NBEA: variants seen among roughly 807,000 people sequenced by gnomAD.
The protein encoded by NBEA is neurobeachin.
NBEA carries 44 observed loss-of-function variants against 343.4 expected under a neutral mutation model. The observed-to-expected ratio is 0.13, with a 90% CI of 0.10 to 0.16. The LOEUF (loss-of-function observed/expected upper bound fraction) is 0.16, where lower values mean the gene tolerates loss of function less well. Ranked by LOEUF, NBEA falls within the 10% of genes least tolerant of loss-of-function variation. The probability of loss-of-function intolerance (pLI) is 1.00; values close to 1 mark genes in which losing one functional copy is unlikely to be tolerated. For missense variants in NBEA, 2,555 were observed against 3,631.3 expected (o/e 0.70, Z 7.62); for synonymous variants, 1,175 against 1,238.7 (o/e 0.95, Z 1.08).
At chr13:35,160,080 G>T (rs2069450970) in intron 22 of NBEA, 48 bp downstream of exon 22, 1 of 1,447,702 alleles carries the variant, frequency 6.9e-7, no homozygotes, top group African/African-American at 1.4e-5. Flanking sequence ...ATGCATTGAA[G>T]AGTTGTTAGC....
intron 30 of NBEA, among the ~76,000 whole-genome samples, chr13:35,193,541 T>A (rs2072356081): frequency 6.6e-6 from 1 of 151,902 alleles, no homozygotes; most frequent in African/African-American, 2.4e-5. Flanking sequence ...TCCTTCTCAT[T>A]TATAGGGTTA....
At chr13:35,570,294 A>G (rs1037239294) in intron 45 of NBEA, among the ~76,000 whole-genome samples, 1 of 152,202 alleles carries the variant, frequency 6.6e-6, no homozygotes, top group Non-Finnish European at 1.5e-5. Flanking sequence ...TCAGCCTCCC[A>G]AAGTGCTGGG....
At position 35,642,207 on chromosome 13, in the gene NBEA, T is replaced by C. The variant is rs150046199; in HGVS notation, c.7618-3662T>C. The stretch of plus-strand genomic sequence containing the variant: ...ATGTAAGACTCATGATACCACTGTT[T>C]AAGTAAAAAGTCACTATGATTTATT... On this transcript the variant is annotated intron_variant, in intron 49 of 58. Transcript: ENST00000379939. Among the ~76,000 whole-genome samples, 455 of 152,326 alleles carry C rather than the reference T, an allele frequency of 3.0e-3. 2 individuals carry two copies. The highest frequency in any genetic ancestry group is 0.011 in the African/African-American group (444 of 41,568).
intron 36 of NBEA, among the ~76,000 whole-genome samples, chr13:35,313,625 G>C (rs2037517210): frequency 6.6e-6 from 1 of 152,274 alleles, no homozygotes; most frequent in Non-Finnish European, 1.5e-5. Flanking sequence ...AAGAAGCTGG[G>C]TGTAGATCCA....
chr13:35,183,831 T>C, intron 29 of NBEA, 145 bp from the exon 30 acceptor site: 2 of 558,614 alleles, frequency 3.6e-6, no homozygotes, highest in East Asian at 3.1e-5. Context: ...TCTTAATACA[T>C]AAACTCTTTT....
intron 53 of NBEA, among the ~76,000 whole-genome samples, chr13:35,654,079 A>G (rs1176524076): frequency 1.3e-5 from 2 of 152,208 alleles, no homozygotes; most frequent in African/African-American, 2.4e-5. Context: ...ATTTCTGTTT[A>G]AGAATTCAGC....
intron 52 of NBEA, 51 bp downstream of exon 52, chr13:35,649,898 T>C: frequency 1.3e-6 from 2 of 1,495,106 alleles, no homozygotes; most frequent in Non-Finnish European, 1.8e-6. Context: ...AAAGCTACAA[T>C]TAAAGTAAAA....
Position 35,164,464 on chromosome 13 carries a change from T to C in NBEA, c.4188T>C (p.Ala1396=), listed in dbSNP as rs1314616153. 1.2e-6 allele frequency: 2 copies of C among 1,610,960 alleles called. No individual in the cohort carries two copies. The highest frequency in any genetic ancestry group is 1.7e-6 in the Non-Finnish European group (2 of 1,178,460). ...AAATGGTAGACAACATCATCATTGC[T>C]TGTGGAGGAATTTTACCTTTGCTCT... ...ISQMVDNIII[A]CGGILPLLSA... The change falls in exon 24 of 59, where the codon GCT becomes GCC. Residue 1396 remains alanine (A), a synonymous_variant. Coordinates refer to ENST00000379939, the MANE Select transcript of NBEA (RefSeq NM_001385012.1).
chr13:35,057,836 A>G (rs1274998476), intron 7 of NBEA, among the ~76,000 whole-genome samples: 2 of 152,192 alleles, frequency 1.3e-5, no homozygotes, highest in Non-Finnish European at 2.9e-5. Flanking sequence ...TACATTCTTT[A>G]TGCAGTTAAA....
Position 35,206,551 on chromosome 13 carries a change from A to C in NBEA, c.5367-2149A>C, listed in dbSNP as rs186734322. On this transcript the variant is annotated intron_variant, in intron 31 of 58. Coordinates refer to ENST00000379939, the MANE Select transcript of NBEA (RefSeq NM_001385012.1). ...AAGTTTAGAGGAGAATTTTGATAACAAACTCCAAATATTGGCAAGTTCCTT... is the reference window on the plus strand; with the variant it reads ...AAGTTTAGAGGAGAATTTTGATAACCAACTCCAAATATTGGCAAGTTCCTT... Among the ~76,000 whole-genome samples, 175 of 152,274 alleles carry C rather than the reference A, an allele frequency of 1.1e-3. 1 individual carries two copies. The highest frequency in any genetic ancestry group is 4.1e-3 in the African/African-American group (169 of 41,582).
At chr13:35,598,700 G>C (rs1031759438) in intron 47 of NBEA, among the ~76,000 whole-genome samples, 5 of 152,180 alleles carry the variant, frequency 3.3e-5, no homozygotes, top group Non-Finnish European at 7.3e-5. Flanking sequence ...GAATCACTCT[G>C]TGTAGCTGAG....
At chr13:35,056,567 A>G (rs2152566377) in intron 7 of NBEA, among the ~76,000 whole-genome samples, 1 of 152,262 alleles carries the variant, frequency 6.6e-6, no homozygotes, top group East Asian at 1.9e-4. Context: ...AAGATGGTCC[A>G]GAGATGATTT....
At chr13:35,530,051 A>G (rs1451946290) in intron 41 of NBEA, among the ~76,000 whole-genome samples, 1 of 152,018 alleles carries the variant, frequency 6.6e-6, no homozygotes, top group Non-Finnish European at 1.5e-5. Context: ...ATGTTTCTTT[A>G]CTCTGTGTTC....
At chr13:35,048,421 A>G (rs2062941595) in intron 4 of NBEA, 142 bp from the exon 5 acceptor site, 1 of 700,590 alleles carries the variant, frequency 1.4e-6, no homozygotes, top group East Asian at 2.8e-5. Flanking sequence ...ATAAAATACT[A>G]GCTCTTATTT....
At chr13:35,431,348 G>A (rs149982996) in intron 38 of NBEA, among the ~76,000 whole-genome samples, 46 of 151,902 alleles carry the variant, frequency 3.0e-4, no homozygotes, top group African/African-American at 9.9e-4. Flanking sequence ...ATTATCTTTC[G>A]AGTGTATTAC....
intron 1 of NBEA, among the ~76,000 whole-genome samples, chr13:34,985,347 A>G (rs1412360470): frequency 2.0e-5 from 3 of 150,868 alleles, no homozygotes; most frequent in African/African-American, 7.3e-5. Context: ...ATGTTTATTG[A>G]TTTGCATATG....
intron 38 of NBEA, among the ~76,000 whole-genome samples, chr13:35,387,638 C>T (rs561993775): frequency 2.0e-5 from 3 of 152,202 alleles, no homozygotes; most frequent in African/African-American, 4.8e-5. Flanking sequence ...TCAGTGACAG[C>T]TGACAGTACC....
intron 38 of NBEA, among the ~76,000 whole-genome samples, chr13:35,393,842 C>CT (rs1324990770): frequency 6.6e-6 from 1 of 152,054 alleles, no homozygotes; most frequent in Non-Finnish European, 1.5e-5. Context: ...CAAACCTAGG[C>CT]TTAAGTTATG....
In NBEA at chr13:35,044,947, A is replaced by T; in HGVS notation, c.527A>T (p.Asp176Val). Residue 176 changes from aspartate to valine, a missense_variant and splice_region_variant, in exon 3 of 59, where the codon GAT (aspartate) becomes GTT (valine). Coordinates refer to ENST00000379939, the MANE Select transcript of NBEA (RefSeq NM_001385012.1). ...KMSAVDDMIA[D>V]LLVDMLGVLA... ...AGAATAACTTTATTTTCCTTTGAAG[A>T]TCTTCTAGTTGATATGTTGGGGGTT... The T allele has an allele frequency of 6.2e-7, 1 of 1,607,246 alleles. No homozygotes were observed. The highest frequency in any genetic ancestry group is 8.5e-7 in the Non-Finnish European group (1 of 1,176,088).
Sources: allele counts gnomAD v4.1 joint callset (sites outside exome capture counted in the v4.1 genomes callset), GRCh38; gene constraint gnomAD v4.1.1; transcripts MANE v1.5; gene names NCBI Gene and HGNC (gene_info 2026-07-23, HGNC 2026-07-21).